The following NALF1 variants were observed in gnomAD, a reference collection of about 807,000 sequenced individuals.
NALF1 encodes the protein NALCN channel auxiliary factor 1.
In NALF1, 3 loss-of-function variants were observed where a neutral mutation model predicts 48.4. The ratio of observed to expected loss-of-function variants is 0.06; its 90% CI spans 0.03 to 0.16. The LOEUF (loss-of-function observed/expected upper bound fraction) is 0.16, where lower values mean the gene tolerates loss of function less well. Among genes scored for constraint, NALF1 ranks in the 10% least tolerant of loss-of-function variants. The pLI, the probability that NALF1 is intolerant of heterozygous loss-of-function variation, is 1.00. For synonymous variants in NALF1, 262 were observed against 245.7 expected, an observed-to-expected ratio of 1.07 and a Z score of -0.62; for missense variants, 526 against 571.5, an observed-to-expected ratio of 0.92 and a Z score of 0.81.
intron 2 of NALF1, among the ~76,000 whole-genome samples, chr13:107,202,530 A>G (rs1879543011): frequency 1.3e-5 from 2 of 152,042 alleles, no homozygotes; most frequent in Admixed American, 6.6e-5. Flanking sequence ...GTGTGTGTGT[A>G]TTCATCCTAA....
intron 1 of NALF1, among the ~76,000 whole-genome samples, chr13:107,543,301 C>CACTTTATATA (rs1440934060): frequency 6.6e-6 from 1 of 151,742 alleles, no homozygotes; most frequent in Non-Finnish European, 1.5e-5. Context: ...TCATTTAGCC[C>CACTTTATATA]ACTTTATATA....
chr13:107,660,752 A>G (rs1023997904), intron 1 of NALF1, among the ~76,000 whole-genome samples: 4 of 151,958 alleles, frequency 2.6e-5, no homozygotes, highest in Non-Finnish European at 5.9e-5. Flanking sequence ...ACCAAGAGTA[A>G]GCCCTAATGT....
chr13:107,378,146 G>A (rs994734214), intron 1 of NALF1, among the ~76,000 whole-genome samples: 3 of 152,126 alleles, frequency 2.0e-5, no homozygotes, highest in African/African-American at 7.2e-5. Flanking sequence ...TTGCCTGAAA[G>A]CTCAGAGTTA....
chr13:107,730,857 C>T (rs182650021), intron 1 of NALF1, among the ~76,000 whole-genome samples: 4 of 152,268 alleles, frequency 2.6e-5, no homozygotes, highest in African/African-American at 9.6e-5. Flanking sequence ...ACAGCATATG[C>T]CGAAATCCCT....
chr13:107,815,945 A>G (rs1054067210), intron 1 of NALF1, among the ~76,000 whole-genome samples: 1 of 152,218 alleles, frequency 6.6e-6, no homozygotes, highest in Admixed American at 6.5e-5. Flanking sequence ...CTAGAAACAG[A>G]AAGTAGATTA....
intron 1 of NALF1, among the ~76,000 whole-genome samples, chr13:107,489,229 C>T (rs1406456820): frequency 1.3e-5 from 2 of 152,144 alleles, no homozygotes; most frequent in Non-Finnish European, 1.5e-5. Flanking sequence ...AGATTCAATG[C>T]TATTCCCATT....
At chr13:107,332,361 G>GA (rs925999821) in intron 1 of NALF1, among the ~76,000 whole-genome samples, 127 of 152,072 alleles carry the variant, frequency 8.4e-4, no homozygotes, top group Non-Finnish European at 1.2e-3. Context: ...TAAACGGTGA[G>GA]AAAAAAAATC....
intron 1 of NALF1, among the ~76,000 whole-genome samples, chr13:107,521,942 T>TAC (rs371749390): frequency 0.032 from 4,750 of 146,288 alleles, 169 homozygotes; most frequent in East Asian, 0.15. Context: ...CACACACACA[T>TAC]ACACACACAC....
chr13:107,254,653 C>A (rs1375184552), intron 1 of NALF1, among the ~76,000 whole-genome samples: 1 of 152,186 alleles, frequency 6.6e-6, no homozygotes, highest in African/African-American at 2.4e-5. Flanking sequence ...AAATAAACCA[C>A]CTAAGGAATG....
At chr13:107,186,348 C>T (rs888952222) in intron 2 of NALF1, among the ~76,000 whole-genome samples, 3 of 152,084 alleles carry the variant, frequency 2.0e-5, no homozygotes, top group Non-Finnish European at 1.5e-5. Flanking sequence ...GGTTTCAACA[C>T]CACTTGCATA....
At chr13:107,284,114 G>A (rs1881443631) in intron 1 of NALF1, among the ~76,000 whole-genome samples, 1 of 152,156 alleles carries the variant, frequency 6.6e-6, no homozygotes, top group African/African-American at 2.4e-5. Flanking sequence ...ACAGCCTAAT[G>A]TCTGGGAGAA....
intron 1 of NALF1, among the ~76,000 whole-genome samples, chr13:107,449,238 T>C (rs1348326568): frequency 1.3e-5 from 2 of 151,816 alleles, no homozygotes. Context: ...GGTGAGACTC[T>C]GTCTCAAAAA....
chr13:107,249,865 A>G (rs1451638196), intron 1 of NALF1, among the ~76,000 whole-genome samples: 1 of 152,180 alleles, frequency 6.6e-6, no homozygotes, highest in Admixed American at 6.5e-5. Context: ...ATCACTTTGT[A>G]AAAACATGCA....
At chr13:107,376,902 C>T (rs559981896) in intron 1 of NALF1, among the ~76,000 whole-genome samples, 1 of 152,284 alleles carries the variant, frequency 6.6e-6, no homozygotes, top group African/African-American at 2.4e-5. Context: ...AGGAAACTGT[C>T]CAACAATTGT....
chr13:107,422,956 G>C (rs7993056), intron 1 of NALF1, among the ~76,000 whole-genome samples: 2,871 of 152,092 alleles, frequency 0.019, 34 homozygotes, highest in South Asian at 0.029. Flanking sequence ...TTCCTAGAGC[G>C]TCCAACAGGA....
chr13:107,361,941 G>A (rs950441454), intron 1 of NALF1, among the ~76,000 whole-genome samples: 2 of 152,124 alleles, frequency 1.3e-5, no homozygotes, highest in Non-Finnish European at 2.9e-5. Context: ...AAAAGCCAGT[G>A]TATGATTTTC....
chr13:107,731,192 G>C (rs1393949551), intron 1 of NALF1, among the ~76,000 whole-genome samples: 1 of 152,172 alleles, frequency 6.6e-6, no homozygotes, highest in Non-Finnish European at 1.5e-5. Context: ...TTGCACAGAA[G>C]TGTGGAAAGT....
intron 1 of NALF1, among the ~76,000 whole-genome samples, chr13:107,613,738 G>A (rs1188365281): frequency 6.6e-6 from 1 of 152,154 alleles, no homozygotes; most frequent in East Asian, 1.9e-4. Context: ...TTAGCACAAA[G>A]TAACTATTCA....
intron 1 of NALF1, among the ~76,000 whole-genome samples, chr13:107,856,495 CT>C (rs1393001824): frequency 8.3e-4 from 126 of 152,228 alleles, no homozygotes; most frequent in Middle Eastern, 3.4e-3. Flanking sequence ...GTTTCACTTC[CT>C]GTCTAACTCT....
Sources: allele counts gnomAD v4.1 joint callset (sites outside exome capture counted in the v4.1 genomes callset), GRCh38; gene constraint gnomAD v4.1.1; transcripts MANE v1.5; gene names NCBI Gene and HGNC (gene_info 2026-07-23, HGNC 2026-07-21).